Variants in ROBO2 observed in about 807,000 individuals in gnomAD.
ROBO2 encodes roundabout homolog 2.
A neutral mutation model predicts 160.8 loss-of-function variants in ROBO2; 53 were observed. The observed-to-expected ratio is 0.33, with a 90% CI of 0.26 to 0.41. The LOEUF (loss-of-function observed/expected upper bound fraction) is 0.41, where lower values mean the gene tolerates loss of function less well. ROBO2 is among the 10% of genes least tolerant of loss of function. The probability of loss-of-function intolerance (pLI) is 1.00; values close to 1 mark genes in which losing one functional copy is unlikely to be tolerated. For synonymous variants in ROBO2, 664 were observed against 611.7 expected, an observed-to-expected ratio of 1.09 and a Z score of -1.26; for missense variants, 1,577 against 1,722.4, an observed-to-expected ratio of 0.92 and a Z score of 1.49.
intron 2 of ROBO2, among the ~76,000 whole-genome samples, chr3:76,807,076 G>T (rs1033237882): frequency 1.3e-5 from 2 of 152,138 alleles, no homozygotes; most frequent in East Asian, 3.9e-4. Context: ...AATGGAAATA[G>T]ACTTATTTAT....
At chr3:77,376,762 G>A (rs1441589887) in intron 2 of ROBO2, among the ~76,000 whole-genome samples, 2 of 152,158 alleles carry the variant, frequency 1.3e-5, no homozygotes, top group Non-Finnish European at 2.9e-5. Flanking sequence ...TTGACAGTAT[G>A]TACTCAACAC....
intron 2 of ROBO2, among the ~76,000 whole-genome samples, chr3:76,352,298 G>T (rs13062848): frequency 0.14 from 21,334 of 151,938 alleles, 1,859 homozygotes; most frequent in African/African-American, 0.24. Context: ...AAGTGGCTAT[G>T]ACTAGTTGGA....
intron 2 of ROBO2, among the ~76,000 whole-genome samples, chr3:77,339,287 T>C (rs1480971135): frequency 6.6e-6 from 1 of 152,064 alleles, no homozygotes; most frequent in Non-Finnish European, 1.5e-5. Flanking sequence ...TTGACTGTAA[T>C]TAAATGAGCA....
chr3:77,084,204 G>T (rs1041704640), intron 1 of ROBO2, among the ~76,000 whole-genome samples: 2 of 151,972 alleles, frequency 1.3e-5, no homozygotes, highest in African/African-American at 2.4e-5. Context: ...TTCAACAGCA[G>T]TGAGCGCATC....
intron 2 of ROBO2, among the ~76,000 whole-genome samples, chr3:77,290,806 CAG>C (rs1560444881): frequency 5.9e-5 from 5 of 85,220 alleles, no homozygotes; most frequent in Admixed American, 1.3e-4. Context: ...TAGATCACCC[CAG>C]ACATAAAGTA....
chr3:76,795,811 G>T lies in ROBO2; in HGVS notation c.110-302203G>T, dbSNP rs368633699. On this transcript the variant is annotated intron_variant, in intron 2 of 26. Coordinates refer to the ROBO2 transcript ENST00000487694. ...TTTCAGAAGGTTTTCAAAGTACTTT[G>T]TCCAGATACATCAGAAAAATCACTA... is the stretch of plus-strand genomic sequence containing the variant. Among the ~76,000 whole-genome samples, 43 of 152,128 alleles carry T rather than the reference G, an allele frequency of 2.8e-4. 1 individual carries two copies. In the East Asian group the frequency reaches 5.2e-3, roughly 19 times the overall value.
chr3:76,295,475 G>T (rs1004845614), intron 2 of ROBO2, among the ~76,000 whole-genome samples: 13 of 152,016 alleles, frequency 8.6e-5, no homozygotes, highest in Non-Finnish European at 1.9e-4. Flanking sequence ...TGTTGTCATG[G>T]ATACTAGGGT....
chr3:76,361,368 CAG>C (rs1183942521), intron 2 of ROBO2, among the ~76,000 whole-genome samples: 2 of 152,042 alleles, frequency 1.3e-5, no homozygotes, highest in Non-Finnish European at 2.9e-5. Context: ...GAGAAAATAA[CAG>C]AAAGTACTAT....
At chr3:76,363,924 A>C (rs1178811733) in intron 2 of ROBO2, among the ~76,000 whole-genome samples, 1 of 152,048 alleles carries the variant, frequency 6.6e-6, no homozygotes, top group African/African-American at 2.4e-5. Flanking sequence ...GCCTCCACTT[A>C]AACCTTGGTC....
intron 2 of ROBO2, among the ~76,000 whole-genome samples, chr3:77,001,188 A>G (rs575122530): frequency 4.3e-4 from 66 of 152,308 alleles, no homozygotes; most frequent in African/African-American, 1.6e-3. Flanking sequence ...TTTGAGGAAA[A>G]TAGGGCAGGA....
In ROBO2 at chr3:77,088,197, T is replaced by G. The variant is rs561391576; in HGVS notation, c.62-9817T>G. ...TTCTAATTTTCATATTTTTAGCAAT[T>G]TCTGTTAATGGTAGATAAGTAAAGA... On this transcript the variant is annotated intron_variant, in intron 1 of 25. Coordinates refer to ENST00000461745, the Ensembl canonical transcript of ROBO2. Among the ~76,000 whole-genome samples the G allele has an allele frequency of 1.2e-4, 18 of 152,252 alleles. No individual in the cohort carries two copies. In the South Asian group the frequency reaches 3.5e-3, roughly 30 times the overall value.
chr3:76,699,493 G>C (rs2093002071), intron 2 of ROBO2, among the ~76,000 whole-genome samples: 1 of 152,102 alleles, frequency 6.6e-6, no homozygotes, highest in African/African-American at 2.4e-5. Context: ...ATGTGTGTGT[G>C]TCTGTACAAA....
intron 2 of ROBO2, among the ~76,000 whole-genome samples, chr3:76,666,393 A>C (rs575753737): frequency 6.6e-6 from 1 of 152,232 alleles, no homozygotes; most frequent in South Asian, 2.1e-4. Flanking sequence ...GCTCTGCCTG[A>C]TGACACTTAT....
chr3:77,362,823 C>T (rs1238923160), intron 2 of ROBO2, among the ~76,000 whole-genome samples: 1 of 152,136 alleles, frequency 6.6e-6, no homozygotes, highest in African/African-American at 2.4e-5. Flanking sequence ...TCACATCTTA[C>T]ATGGTGGCAG....
At chr3:76,651,028 A>C (rs1446273378) in intron 2 of ROBO2, among the ~76,000 whole-genome samples, 1 of 152,150 alleles carries the variant, frequency 6.6e-6, no homozygotes, top group Non-Finnish European at 1.5e-5. Flanking sequence ...CAGAAGCCTT[A>C]CTTTACTTGC....
chr3:76,186,472 C>T (rs909415583), intron 2 of ROBO2, among the ~76,000 whole-genome samples: 2 of 151,792 alleles, frequency 1.3e-5, no homozygotes, highest in African/African-American at 4.8e-5. Flanking sequence ...AAACCTAAAA[C>T]TCACCAAAAT....
chr3:77,397,828 A>C (rs1015035510), intron 2 of ROBO2, among the ~76,000 whole-genome samples: 2 of 152,134 alleles, frequency 1.3e-5, no homozygotes, highest in Non-Finnish European at 2.9e-5. Context: ...TGTTCTTCCT[A>C]GCTTTGTACT....
chr3:77,140,208 G>T (rs1420490026), intron 2 of ROBO2, among the ~76,000 whole-genome samples: 1 of 152,152 alleles, frequency 6.6e-6, no homozygotes, highest in Non-Finnish European at 1.5e-5. Flanking sequence ...TAGTTTTATT[G>T]TGGCGATTGT....
At chr3:76,165,587 T>G (rs574182444) in intron 2 of ROBO2, among the ~76,000 whole-genome samples, 23 of 152,298 alleles carry the variant, frequency 1.5e-4, no homozygotes, top group African/African-American at 5.1e-4. Context: ...CACAACTCAA[T>G]TAGCTGTTTG....
Sources: allele counts gnomAD v4.1 joint callset (sites outside exome capture counted in the v4.1 genomes callset), GRCh38; gene constraint gnomAD v4.1.1; transcripts MANE v1.5; gene names NCBI Gene and HGNC (gene_info 2026-07-23, HGNC 2026-07-21).